The following RILPL1 variants were observed in gnomAD, a reference collection of about 807,000 sequenced individuals.
The protein encoded by RILPL1 is Rab interacting lysosomal protein like 1, also known as RILP-like protein 1.
Under a neutral mutation model 50.3 loss-of-function variants are expected in RILPL1, and 33 were observed. That is an observed-to-expected ratio of 0.66 (90% confidence interval 0.50 to 0.88). The LOEUF is 0.88. Ranked by LOEUF, RILPL1 falls within the 40% of genes least tolerant of loss-of-function variation. The pLI is 0.00. For synonymous variants in RILPL1, 205 were observed against 228.6 expected (o/e 0.90, Z 0.93); for missense variants, 418 against 542.5 (o/e 0.77, Z 2.28).
At chr12:123,510,078 G>A (rs1593580061) in intron 2 of RILPL1, among the ~76,000 whole-genome samples, 1 of 152,352 alleles carries the variant, frequency 6.6e-6, no homozygotes, top group African/African-American at 2.4e-5. Context: ...GCAGGTGGCC[G>A]CAGGAGTTGC....
At chr12:123,520,581 A>ACC in intron 2 of RILPL1, among the ~76,000 whole-genome samples, 1 of 151,960 alleles carries the variant, frequency 6.6e-6, no homozygotes, top group South Asian at 2.1e-4. Context: ...CAAACAAACA[A>ACC]ACAAACAAAA....
chr12:123,495,869 C>T (rs1566123505), intron 4 of RILPL1, among the ~76,000 whole-genome samples: 1 of 150,336 alleles, frequency 6.7e-6, no homozygotes, highest in African/African-American at 2.4e-5. Flanking sequence ...TTAGTAGAGA[C>T]GGGGTTTCGC....
chr12:123,488,106 G>A (rs1431225475), intron 4 of RILPL1, among the ~76,000 whole-genome samples: 1 of 151,996 alleles, frequency 6.6e-6, no homozygotes, highest in Non-Finnish European at 1.5e-5. Flanking sequence ...TCCAGAACAG[G>A]GAAAGGGAGA....
At chr12:123,529,986 G>A (rs1471751281) in intron 1 of RILPL1, among the ~76,000 whole-genome samples, 2 of 152,232 alleles carry the variant, frequency 1.3e-5, no homozygotes, top group East Asian at 3.9e-4. Flanking sequence ...TTGACATGTG[G>A]CTGGTCTGAG....
intron 4 of RILPL1, among the ~76,000 whole-genome samples, chr12:123,493,682 C>G (rs932626088): frequency 2.6e-5 from 4 of 152,152 alleles, no homozygotes; most frequent in African/African-American, 9.7e-5. Context: ...CGTTCTCCGG[C>G]CTAGCTCACT....
chr12:123,509,238 C>T (rs948761855), intron 2 of RILPL1, among the ~76,000 whole-genome samples: 1 of 152,218 alleles, frequency 6.6e-6, no homozygotes, highest in Middle Eastern at 3.4e-3. Flanking sequence ...TGTGGTCTGT[C>T]CATACAACGG....
chr12:123,476,444 GA>G (rs1312536794), intron 6 of RILPL1, among the ~76,000 whole-genome samples: 1 of 146,798 alleles, frequency 6.8e-6, no homozygotes, highest in African/African-American at 2.5e-5. Flanking sequence ...TCCATCTCAA[GA>G]AAAAAAAGAA....
chr12:123,488,865 A>T (rs1352050034), intron 4 of RILPL1, among the ~76,000 whole-genome samples: 2 of 152,148 alleles, frequency 1.3e-5, no homozygotes, highest in African/African-American at 4.8e-5. Flanking sequence ...ATGTTGGAGG[A>T]TTTAATTTCC....
intron 2 of RILPL1, among the ~76,000 whole-genome samples, chr12:123,507,566 A>G (rs1883824691): frequency 9.8e-6 from 1 of 101,658 alleles, no homozygotes; most frequent in Non-Finnish European, 2.4e-5. Context: ...TACTGTCTCA[A>G]AAAAAAAAAA....
chr12:123,494,917 C>T (rs1244501264), intron 4 of RILPL1, among the ~76,000 whole-genome samples: 4 of 152,178 alleles, frequency 2.6e-5, no homozygotes, highest in African/African-American at 7.2e-5. Flanking sequence ...GCACTGCAGA[C>T]GACAGCTGTT....
At chr12:123,532,582 G>C (rs1021662446) in intron 1 of RILPL1, among the ~76,000 whole-genome samples, 2 of 151,824 alleles carry the variant, frequency 1.3e-5, no homozygotes, top group Non-Finnish European at 2.9e-5. Context: ...GAGAGAACAC[G>C]GGCTACCACA....
At chr12:123,492,222 AG>A (rs1442001759) in intron 4 of RILPL1, among the ~76,000 whole-genome samples, 7 of 104,544 alleles carry the variant, frequency 6.7e-5, no homozygotes, top group Admixed American at 6.3e-4. Flanking sequence ...TCAAAAAAAA[AG>A]AAGAAAAAAA....
In RILPL1 at chr12:123,488,946, T is replaced by C. The variant is rs1194154497; in HGVS notation, c.802-3141A>G. Among the ~76,000 whole-genome samples, 3 of 152,282 alleles carry C rather than the reference T, an allele frequency of 2.0e-5. 1 individual carries two copies. Among genetic ancestry groups the C allele is most frequent in the South Asian group, 4.1e-4 (2 of 4,828 alleles). On this transcript the variant is annotated intron_variant, in intron 4 of 6. Transcript: ENST00000376874. ...CTGTGTCCTCAGAGGACATCTTCAA[T>C]GTCCGATCTCCTCTGCAGCGCCTCC...
chr12:123,493,244 T>C (rs1882817845), intron 4 of RILPL1, among the ~76,000 whole-genome samples: 1 of 152,238 alleles, frequency 6.6e-6, no homozygotes, highest in Non-Finnish European at 1.5e-5. Flanking sequence ...TTGAGATGTT[T>C]ATGTGTATGC....
At chr12:123,507,549 A>T (rs562416152) in intron 2 of RILPL1, among the ~76,000 whole-genome samples, 6 of 145,278 alleles carry the variant, frequency 4.1e-5, no homozygotes, top group African/African-American at 1.6e-4. Flanking sequence ...GGGTTGACAG[A>T]ATGAGATACT....
chr12:123,522,273 G>T lies in RILPL1; in HGVS notation c.460+1222C>A, dbSNP rs1885094750. Among the ~76,000 whole-genome samples, 1 of 152,210 alleles carries T rather than the reference G, an allele frequency of 6.6e-6. No individual in the cohort carries two copies. Among genetic ancestry groups the T allele is most frequent in the Non-Finnish European group, 1.5e-5 (1 of 68,038 alleles). On this transcript the variant is annotated intron_variant, in intron 2 of 6. Coordinates refer to ENST00000376874, the MANE Select transcript of RILPL1 (RefSeq NM_178314.5). The surrounding 1 kb of genome is among the most constrained non-coding windows in gnomAD (Gnocchi z 4.0). ...GCTTTAGCGGGCAGGAAGCTGCAGG[G>T]CTGAGCAGAGCAGATGCCGCCCACA...
At position 123,498,968 on chromosome 12, in the gene RILPL1, G is replaced by C. The variant is rs1298417487; in HGVS notation, c.580-203C>G. 6.6e-6 allele frequency among the ~76,000 whole-genome samples: 1 copy of C among 152,210 alleles called. No homozygotes were observed. The highest frequency in any genetic ancestry group is 1.5e-5 in the Non-Finnish European group (1 of 68,042). On this transcript the variant is annotated intron_variant, in intron 3 of 6. Coordinates refer to ENST00000376874, the MANE Select transcript of RILPL1 (RefSeq NM_178314.5). This position sits in a 1 kb window ranked among gnomAD's most constrained non-coding sequence, Gnocchi z 4.3. ...TGATAATTTTATGGCAGATGGAAGG[G>C]TGTCTTGCTAGAATTAATACATTAT...
At chr12:123,528,867 A>G (rs567650298) in intron 1 of RILPL1, among the ~76,000 whole-genome samples, 1 of 152,034 alleles carries the variant, frequency 6.6e-6, no homozygotes, top group East Asian at 1.9e-4. Flanking sequence ...TCAGAATCTC[A>G]TGCTGCCTCC....
Position 123,484,194 on chromosome 12 carries a change from C to G in RILPL1, c.1053G>C (p.Ser351=), listed in dbSNP as rs754770800. 1 of 1,607,720 alleles carries G rather than the reference C, an allele frequency of 6.2e-7. No individual in the cohort carries two copies. Among genetic ancestry groups the G allele is most frequent in the Non-Finnish European group, 8.5e-7 (1 of 1,174,914 alleles). The change falls in exon 6 of 7, where the codon TCG becomes TCC. Residue 351 remains serine (S), a synonymous_variant. Transcript: ENST00000376874. Reference sequence around the variant, plus strand: ...GCATCACTTACAGTCGCTTGATGCCCGACTCCGGCTGGGGGGACGTCCTCG... The same window carrying G: ...GCATCACTTACAGTCGCTTGATGCCGGACTCCGGCTGGGGGGACGTCCTCG... ...AHPRTSPQPE[S]GIKRLFSFFS... is the part of the protein sequence containing the mutation.
Sources: gnomAD v4.1 joint callset for allele counts (sites outside exome capture counted in the v4.1 genomes callset) on GRCh38, gnomAD v4.1.1 for gene constraint, Gnocchi (gnomAD v3.1) non-coding constraint, MANE v1.5 for transcripts, NCBI Gene and HGNC (gene_info 2026-07-23, HGNC 2026-07-21) for gene names.